NREP: variants seen among roughly 807,000 people sequenced by gnomAD.
NREP encodes the protein neuronal regeneration-related protein.
Under a neutral mutation model 8.6 loss-of-function variants are expected in NREP, and 5 were observed. That is an observed-to-expected ratio of 0.58 (90% CI 0.30 to 1.22). The LOEUF (loss-of-function observed/expected upper bound fraction) is 1.22, where lower values mean the gene tolerates loss of function less well. Among genes scored for constraint, NREP ranks in the 50% most tolerant of loss-of-function variants. NREP has a pLI of 0.07. For missense variants in NREP, 86 were observed against 82.5 expected, an observed-to-expected ratio of 1.04 and a Z score of -0.17; for synonymous variants, 27 against 28.0, an observed-to-expected ratio of 0.96 and a Z score of 0.11.
chr5:111,847,425 C>G (rs1017236924), intron 2 of NREP, among the ~76,000 whole-genome samples: 9 of 152,150 alleles, frequency 5.9e-5, no homozygotes, highest in Non-Finnish European at 1.0e-4. Flanking sequence ...GTCTCATTTC[C>G]AAATACCATC....
At chr5:111,773,874 G>A (rs941191013) in intron 2 of NREP, among the ~76,000 whole-genome samples, 8 of 151,948 alleles carry the variant, frequency 5.3e-5, no homozygotes, top group Admixed American at 2.6e-4. Flanking sequence ...GAAATCTTGC[G>A]GGGCTTAGGG....
chr5:111,753,365 TG>T (rs1247929530), intron 2 of NREP, among the ~76,000 whole-genome samples: 10 of 145,548 alleles, frequency 6.9e-5, no homozygotes, highest in African/African-American at 2.3e-4. Flanking sequence ...TATATATATA[TG>T]ATATGTAGAT....
chr5:111,947,216 G>A (rs79173568), intron 2 of NREP, among the ~76,000 whole-genome samples: 14,944 of 151,906 alleles, frequency 0.098, 1,124 homozygotes, highest in African/African-American at 0.21. Context: ...ACTTAAAAAC[G>A]CTTTCTTAAG....
At chr5:111,962,720 G>A (rs1756513844) in intron 2 of NREP, among the ~76,000 whole-genome samples, 1 of 152,100 alleles carries the variant, frequency 6.6e-6, no homozygotes, top group African/African-American at 2.4e-5. Context: ...CCCATTCTGT[G>A]CCTATAAAGA....
At chr5:111,963,195 C>A (rs1373824518) in intron 2 of NREP, among the ~76,000 whole-genome samples, 5 of 152,230 alleles carry the variant, frequency 3.3e-5, no homozygotes, top group South Asian at 2.1e-4. Context: ...CGCCATGGGG[C>A]CTGCATGGAG....
chr5:111,758,011 C>T (rs988419295), upstream of NREP: 2 of 985,404 alleles, frequency 2.0e-6, no homozygotes, highest in Non-Finnish European at 2.4e-6. Context: ...TTTTATGTGC[C>T]TGTCCTGAGC....
chr5:111,758,147 T>C, upstream of NREP: 1 of 985,486 alleles, frequency 1.0e-6, no homozygotes. Flanking sequence ...CGCGCCCCAC[T>C]CCCTTCCGCG....
intron 2 of NREP, among the ~76,000 whole-genome samples, chr5:111,800,842 C>T (rs993152478): frequency 1.3e-5 from 2 of 152,126 alleles, no homozygotes; most frequent in Non-Finnish European, 2.9e-5. Context: ...GAATACAACC[C>T]GTTACATGCA....
intron 2 of NREP, among the ~76,000 whole-genome samples, chr5:111,829,842 A>T (rs940885979): frequency 6.6e-6 from 1 of 152,170 alleles, no homozygotes; most frequent in African/African-American, 2.4e-5. Context: ...GACTTCACCC[A>T]CATAGCGTGC....
At chr5:111,760,378 T>A (rs1390540666), upstream of NREP, among the ~76,000 whole-genome samples, 2 of 152,158 alleles carry the variant, frequency 1.3e-5, no homozygotes, top group African/African-American at 4.8e-5. Context: ...TGCACTGCAT[T>A]GAAGAGGGAC....
At chr5:111,902,143 A>G (rs34213425) in intron 2 of NREP, among the ~76,000 whole-genome samples, 5,177 of 152,206 alleles carry the variant, frequency 0.034, 128 homozygotes, top group Non-Finnish European at 0.058. Context: ...AAATTAATCT[A>G]TATATTTTCA....
chr5:111,888,610 G>C (rs1004607120), intron 2 of NREP, among the ~76,000 whole-genome samples: 2 of 152,170 alleles, frequency 1.3e-5, no homozygotes, highest in African/African-American at 4.8e-5. Flanking sequence ...TGGGGACATA[G>C]AGCCAAACCA....
upstream of NREP, chr5:111,757,799 C>A (rs868000157): frequency 3.1e-6 from 3 of 970,628 alleles, no homozygotes; most frequent in South Asian, 4.8e-5. Flanking sequence ...TCCGCCTCGA[C>A]GTGCGGTTGC....
intron 2 of NREP, among the ~76,000 whole-genome samples, chr5:111,843,286 A>G (rs747070584): frequency 6.6e-5 from 10 of 151,710 alleles, no homozygotes; most frequent in Non-Finnish European, 1.5e-4. Flanking sequence ...CCTTTCTTCA[A>G]GCTTGCTGAT....
At chr5:111,881,434 T>C (rs1051374397) in intron 2 of NREP, among the ~76,000 whole-genome samples, 35 of 152,186 alleles carry the variant, frequency 2.3e-4, no homozygotes, top group African/African-American at 8.0e-4. Context: ...CAGTAACCTC[T>C]GCAGACTTAA....
intron 2 of NREP, among the ~76,000 whole-genome samples, chr5:111,972,712 A>G (rs1015038495): frequency 2.0e-5 from 3 of 151,960 alleles, no homozygotes; most frequent in Non-Finnish European, 4.4e-5. Context: ...TGTCATCACC[A>G]CCAATCTAGA....
At chr5:111,794,996 A>G (rs1182382021) in intron 2 of NREP, among the ~76,000 whole-genome samples, 2 of 27,630 alleles carry the variant, frequency 7.2e-5, no homozygotes, top group Admixed American at 5.7e-4. Flanking sequence ...AAGCTGCTCT[A>G]AAAAAAAAAA....
intron 2 of NREP, among the ~76,000 whole-genome samples, chr5:111,753,335 TA>T (rs1750489938): frequency 2.9e-5 from 4 of 137,488 alleles, no homozygotes; most frequent in Admixed American, 1.5e-4. Context: ...TGATTTTATA[TA>T]TATATATATA....
At chr5:111,948,470 A>G (rs1756052071) in intron 2 of NREP, among the ~76,000 whole-genome samples, 2 of 152,128 alleles carry the variant, frequency 1.3e-5, no homozygotes, top group African/African-American at 4.8e-5. Context: ...ATTTGGTTCT[A>G]TATCAACTAT....
Sources: gnomAD v4.1 joint callset for allele counts (sites outside exome capture counted in the v4.1 genomes callset) on GRCh38, gnomAD v4.1.1 for gene constraint, MANE v1.5 for transcripts, NCBI Gene and HGNC (gene_info 2026-07-23, HGNC 2026-07-21) for gene names.